The following MYO16 variants were observed in gnomAD, a reference collection of about 807,000 sequenced individuals.
The protein encoded by MYO16 is myosin XVI.
MYO16 carries 94 observed loss-of-function variants against 205.3 expected under a neutral mutation model. That is an observed-to-expected ratio of 0.46 (90% CI 0.39 to 0.54). The LOEUF (loss-of-function observed/expected upper bound fraction) is 0.54, where lower values mean the gene tolerates loss of function less well. Among genes scored for constraint, MYO16 ranks in the 20% least tolerant of loss-of-function variants. The pLI, the probability that MYO16 is intolerant of heterozygous loss-of-function variation, is 0.00. For synonymous variants in MYO16, 988 were observed against 954.0 expected (o/e 1.04, Z -0.66); for missense variants, 2,315 against 2,387.5 (o/e 0.97, Z 0.63).
At chr13:108,781,979 G>A (rs899898933) in intron 4 of MYO16, among the ~76,000 whole-genome samples, 2 of 152,258 alleles carry the variant, frequency 1.3e-5, no homozygotes, top group South Asian at 4.1e-4. Flanking sequence ...CCAGTTTCAG[G>A]TATGGCTTTA....
chr13:108,924,694 G>A (rs974554280), intron 16 of MYO16, among the ~76,000 whole-genome samples: 1 of 152,102 alleles, frequency 6.6e-6, no homozygotes, highest in Non-Finnish European at 1.5e-5. Flanking sequence ...TTATACAAAG[G>A]AAGACAGTGG....
At chr13:109,116,241 A>T (rs529525908) in intron 28 of MYO16, among the ~76,000 whole-genome samples, 7 of 152,300 alleles carry the variant, frequency 4.6e-5, no homozygotes, top group South Asian at 2.1e-4. Flanking sequence ...TTGTGACTTC[A>T]GATCTCCAAC....
chr13:108,888,451 G>T lies in MYO16; in HGVS notation c.1633G>T (p.Ala545Ser). The T allele has an allele frequency of 2.5e-6, 4 of 1,606,810 alleles. No individual in the cohort carries two copies. The highest frequency in any genetic ancestry group is 1.3e-5 in the African/African-American group (1 of 74,636). ...CACCTGCAGGGCTGGCGCCAGCAGG[G>T]CCACACTGGATTCCAGATTCAAACA... Reference protein sequence around the residue: ...HLTCRAGASRATLDSRFKHVV... With the variant: ...HLTCRAGASRSTLDSRFKHVV... Residue 545 changes from alanine to serine, a missense_variant, in exon 14 of 35, where the codon GCC becomes TCC. Physicochemically the swap from Ala to Ser is moderately conservative, Grantham distance 99. Coordinates refer to ENST00000457511, the MANE Select transcript of MYO16 (RefSeq NM_001198950.3).
intron 8 of MYO16, among the ~76,000 whole-genome samples, chr13:108,822,312 A>G (rs1876019964): frequency 6.6e-6 from 1 of 152,202 alleles, no homozygotes; most frequent in Non-Finnish European, 1.5e-5. Flanking sequence ...AAATCTTTAC[A>G]TAAATATCTT....
chr13:109,147,789 A>G, intron 32 of MYO16, among the ~76,000 whole-genome samples: 1 of 152,086 alleles, frequency 6.6e-6, no homozygotes, highest in East Asian at 1.9e-4. Flanking sequence ...GTCTCATACA[A>G]AGTGGGGCGC....
At chr13:108,929,807 G>A (rs59616902) in intron 16 of MYO16, among the ~76,000 whole-genome samples, 9,730 of 152,082 alleles carry the variant, frequency 0.064, 435 homozygotes, top group African/African-American at 0.13. Flanking sequence ...AAAAAAAAAT[G>A]TACTTAGCTA....
intron 4 of MYO16, among the ~76,000 whole-genome samples, chr13:108,735,288 TG>T (rs1345038428): frequency 9.2e-6 from 1 of 108,576 alleles, no homozygotes; most frequent in Non-Finnish European, 1.8e-5. Context: ...CCGGCCCTGG[TG>T]TGTGATGTTC....
intron 4 of MYO16, among the ~76,000 whole-genome samples, chr13:108,763,787 T>TTTG (rs150965677): frequency 1.5e-4 from 21 of 142,634 alleles, no homozygotes; most frequent in African/African-American, 4.7e-4. Context: ...AGAAAAGGAG[T>TTTG]TGTGTGTGTG....
At chr13:109,106,218 A>G (rs946908106) in intron 28 of MYO16, among the ~76,000 whole-genome samples, 4 of 152,232 alleles carry the variant, frequency 2.6e-5, no homozygotes, top group African/African-American at 9.6e-5. Flanking sequence ...AAATAGTTTG[A>G]ATTAATTCCT....
chr13:108,914,374 C>T (rs1212774289), intron 16 of MYO16, among the ~76,000 whole-genome samples: 2 of 151,810 alleles, frequency 1.3e-5, no homozygotes, highest in South Asian at 4.2e-4. Flanking sequence ...TACATGTGAC[C>T]ACATGAACAC....
At chr13:109,111,659 T>C (rs549895901) in intron 28 of MYO16, among the ~76,000 whole-genome samples, 177 of 152,224 alleles carry the variant, frequency 1.2e-3, no homozygotes, top group African/African-American at 4.0e-3. Flanking sequence ...AAATATAATC[T>C]ATGTTAATAA....
At chr13:108,645,990 C>A (rs1317319730) in intron 1 of MYO16, among the ~76,000 whole-genome samples, 1 of 152,124 alleles carries the variant, frequency 6.6e-6, no homozygotes, top group African/African-American at 2.4e-5. Context: ...GAAGTGCTTA[C>A]AAGGTATGCA....
chr13:108,694,531 A>G (rs984465430), intron 2 of MYO16, among the ~76,000 whole-genome samples: 1 of 152,040 alleles, frequency 6.6e-6, no homozygotes, highest in South Asian at 2.1e-4. Context: ...TCTCTTCTTT[A>G]GAGAAAAGTA....
intron 27 of MYO16, among the ~76,000 whole-genome samples, chr13:109,068,637 G>A (rs1017464297): frequency 1.6e-4 from 23 of 142,492 alleles, no homozygotes; most frequent in African/African-American, 6.0e-4. Context: ...TCTTGCCCAA[G>A]CTGGAGTGCA....
intron 4 of MYO16, among the ~76,000 whole-genome samples, chr13:108,741,874 CT>C (rs1884920953): frequency 6.6e-6 from 1 of 152,100 alleles, no homozygotes; most frequent in Non-Finnish European, 1.5e-5. Flanking sequence ...AAAAGAGGGC[CT>C]CATCATAATT....
chr13:109,049,318 G>T (rs187155553), intron 24 of MYO16, among the ~76,000 whole-genome samples: 1 of 152,210 alleles, frequency 6.6e-6, no homozygotes, highest in South Asian at 2.1e-4. Context: ...GTTTTAAGAG[G>T]CAAATGGATA....
chr13:108,702,469 G>T (rs1883345618), intron 2 of MYO16, among the ~76,000 whole-genome samples: 1 of 152,082 alleles, frequency 6.6e-6, no homozygotes, highest in South Asian at 2.1e-4. Context: ...CAAAAATGGA[G>T]GAATATTAGG....
chr13:108,992,233 T>C, intron 20 of MYO16, 143 bp from the exon 21 acceptor site: 1 of 519,514 alleles, frequency 1.9e-6, no homozygotes, highest in Non-Finnish European at 3.3e-6. Flanking sequence ...TTAATGAGAC[T>C]CTAAAATAAT....
intron 10 of MYO16, among the ~76,000 whole-genome samples, chr13:108,853,332 T>C (rs937038609): frequency 3.9e-5 from 6 of 152,170 alleles, no homozygotes; most frequent in African/African-American, 1.4e-4. Flanking sequence ...AAAGTACCAG[T>C]TTTTGGCTGC....
Sources: gnomAD v4.1 joint callset for allele counts (sites outside exome capture counted in the v4.1 genomes callset) on GRCh38, gnomAD v4.1.1 for gene constraint, MANE v1.5 for transcripts, NCBI Gene and HGNC (gene_info 2026-07-23, HGNC 2026-07-21) for gene names.